TRIM24: variants seen among roughly 807,000 people sequenced by gnomAD.
TRIM24 encodes tripartite motif containing 24.
A neutral mutation model predicts 123.9 loss-of-function variants in TRIM24; 29 were observed. The ratio of observed to expected loss-of-function variants is 0.23; its 90% CI spans 0.17 to 0.32. The LOEUF (loss-of-function observed/expected upper bound fraction) is 0.32. Ranked by LOEUF, TRIM24 falls within the 10% of genes least tolerant of loss-of-function variation. TRIM24 has a pLI of 1.00. For missense variants in TRIM24, 932 were observed against 1,295.3 expected, an observed-to-expected ratio of 0.72 and a Z score of 4.31; for synonymous variants, 456 against 461.1, an observed-to-expected ratio of 0.99 and a Z score of 0.14.
At chr7:138,462,900 G>T (rs1179182282) in intron 1 of TRIM24, among the ~76,000 whole-genome samples, 1 of 150,064 alleles carries the variant, frequency 6.7e-6, no homozygotes, top group African/African-American at 2.5e-5. Flanking sequence ...ACGGAGTCTC[G>T]CTCTTCTTGC....
At chr7:138,564,949 G>A (rs369915784) in intron 9 of TRIM24, among the ~76,000 whole-genome samples, 9 of 152,036 alleles carry the variant, frequency 5.9e-5, no homozygotes, top group South Asian at 2.1e-4. Context: ...CGATTAGACC[G>A]TCCCCCTCGC....
chr7:138,533,293 C>A (rs1796787457), intron 6 of TRIM24, among the ~76,000 whole-genome samples: 1 of 152,142 alleles, frequency 6.6e-6, no homozygotes. Context: ...CTGTCTTGTG[C>A]CAGTTTTCAA....
At chr7:138,536,177 C>T (rs1044602229) in intron 6 of TRIM24, among the ~76,000 whole-genome samples, 1 of 152,162 alleles carries the variant, frequency 6.6e-6, no homozygotes, top group Non-Finnish European at 1.5e-5. Flanking sequence ...TCCTTTAGCT[C>T]GGAGGAGTTT....
chr7:138,519,120 G>C, intron 3 of TRIM24, 69 bp from the exon 4 acceptor site: 1 of 1,570,392 alleles, frequency 6.4e-7, no homozygotes, highest in Non-Finnish European at 8.7e-7. Context: ...ATTCAAATGA[G>C]CAATCTAATA....
At chr7:138,472,911 T>TA (rs1795303867) in intron 1 of TRIM24, among the ~76,000 whole-genome samples, 1 of 152,186 alleles carries the variant, frequency 6.6e-6, no homozygotes, top group South Asian at 2.1e-4. Flanking sequence ...CTCACTTTGT[T>TA]AGTCAGGTTG....
At chr7:138,481,090 T>G (rs1181045833) in intron 1 of TRIM24, among the ~76,000 whole-genome samples, 3 of 152,118 alleles carry the variant, frequency 2.0e-5, no homozygotes, top group Admixed American at 2.0e-4. Context: ...ACCCCCAGGT[T>G]CAAGCGATTC....
chr7:138,490,611 G>T, intron 1 of TRIM24: 1 of 281,610 alleles, frequency 3.6e-6, no homozygotes, highest in Non-Finnish European at 6.8e-6. Flanking sequence ...ATATCCAACA[G>T]CTCATTCAAC....
chr7:138,476,845 C>T (rs1795413793), intron 1 of TRIM24, among the ~76,000 whole-genome samples: 2 of 151,876 alleles, frequency 1.3e-5, no homozygotes, highest in South Asian at 4.2e-4. Flanking sequence ...GAGGCGTGCA[C>T]AGTGTTATTT....
intron 1 of TRIM24, among the ~76,000 whole-genome samples, chr7:138,464,742 C>G (rs1795096974): frequency 6.6e-6 from 1 of 152,238 alleles, no homozygotes; most frequent in Admixed American, 6.5e-5. Flanking sequence ...TGTTATATTT[C>G]ATACACTTTT....
intron 1 of TRIM24, among the ~76,000 whole-genome samples, chr7:138,497,187 G>A (rs1289590335): frequency 6.6e-6 from 1 of 151,900 alleles, no homozygotes; most frequent in Non-Finnish European, 1.5e-5. Context: ...GGAGCCCTTT[G>A]TGTCTAGACT....
At position 138,573,506 on chromosome 7, in the gene TRIM24, G is replaced by T; in HGVS notation, c.1879-1G>T. On this transcript the variant is annotated splice_acceptor_variant, in intron 11 of 18. Coordinates refer to ENST00000343526, the MANE Select transcript of TRIM24 (RefSeq NM_015905.3). LOFTEE classifies it high-confidence loss of function. ...CCTGAAATAATTTCTTTTCTTGTAAGATTGACTGTTCAAGTACTATTATGC... is the reference window on the plus strand; with the variant it reads ...CCTGAAATAATTTCTTTTCTTGTAATATTGACTGTTCAAGTACTATTATGC... 1 of 1,560,898 alleles carries T rather than the reference G, an allele frequency of 6.4e-7. No homozygotes were observed. Among genetic ancestry groups the T allele is most frequent in the South Asian group, 1.3e-5 (1 of 79,378 alleles).
rs2116427561 is a variant in TRIM24, at chr7:138,460,379, G to C, written c.-170G>C. On this transcript the variant is annotated 5_prime_UTR_variant, in exon 1 of 19. Transcript: ENST00000343526. ...CCGCGCCACTCGGGAGGCGGATCCC[G>C]TGGGCCTGAGGAGGCTTCCCCCGCC... The C allele has an allele frequency of 1.7e-6, 1 of 598,700 alleles. No individual in the cohort carries two copies. 37.1% of individuals were successfully genotyped at this position (598,700 alleles called of 1,614,324 possible). A position where few individuals can be genotyped will look rare whatever the true frequency, so the allele number is the denominator to read the frequency against.
intron 7 of TRIM24, among the ~76,000 whole-genome samples, chr7:138,539,195 A>G (rs1334479827): frequency 6.6e-6 from 1 of 152,000 alleles, no homozygotes; most frequent in African/African-American, 2.4e-5. Context: ...ACATGATGAA[A>G]CTAAGGCATG....
rs192568924 is a variant in TRIM24, at chr7:138,529,331, T to A, written c.996+101T>A. On this transcript the variant is annotated intron_variant, in intron 6 of 18. Coordinates refer to ENST00000343526, the MANE Select transcript of TRIM24 (RefSeq NM_015905.3). ...TGCTTTTTATATAGTTGTTTCATTG[T>A]GATTTAATATTTTTTTTTCCCACTC... The A allele has an allele frequency of 6.3e-3, 3,887 of 613,002 alleles. 25 individuals are homozygous for A. The highest frequency in any genetic ancestry group is 6.9e-3 in the Non-Finnish European group (2,712 of 392,714). The allele number at this position is 613,002 out of a possible 1,614,324, so 38.0% of individuals were successfully genotyped here. A position where few individuals can be genotyped will look rare whatever the true frequency, so the allele number is the denominator to read the frequency against.
rs201221166 is a variant in TRIM24, at chr7:138,479,999, A to G, written c.364+19087A>G. On this transcript the variant is annotated intron_variant, in intron 1 of 18. Transcript: ENST00000343526. ...ACCTCCGGCTAATTTTTGTGTTTTT[A>G]GTAGAGACAGGGTTTCGCCATGTTG... 3.3e-5 allele frequency among the ~76,000 whole-genome samples: 5 copies of G among 151,636 alleles called. No homozygotes were observed. In the East Asian group the frequency reaches 7.8e-4, roughly 24 times the overall value.
chr7:138,521,839 A>T (rs1796509667), intron 4 of TRIM24, among the ~76,000 whole-genome samples: 1 of 152,192 alleles, frequency 6.6e-6, no homozygotes, highest in South Asian at 2.1e-4. Context: ...CTTTGTAAGG[A>T]TGAAAGTCTC....
chr7:138,557,257 A>G (rs1797333746), intron 9 of TRIM24, among the ~76,000 whole-genome samples: 1 of 152,106 alleles, frequency 6.6e-6, no homozygotes, highest in Non-Finnish European at 1.5e-5. Context: ...AAGTACAGGA[A>G]AACTTGTTTT....
intron 8 of TRIM24, among the ~76,000 whole-genome samples, chr7:138,553,809 C>T (rs979116640): frequency 3.3e-5 from 5 of 152,282 alleles, no homozygotes; most frequent in African/African-American, 1.2e-4. Flanking sequence ...TCCAGCTACA[C>T]GTCTGGATGA....
Position 138,554,904 on chromosome 7 carries a change from C to T in TRIM24, c.1468C>T (p.Pro490Ser), listed in dbSNP as rs1797284718. The change falls in exon 9 of 19, where the codon CCT (proline) becomes TCT (serine). Residue 490 changes from proline (P) to serine (S), a missense_variant. Around this residue, in one of 7 missense-constraint regions of TRIM24, gnomAD observed 527 missense variants for 691.3 expected, o/e 0.76. Coordinates refer to ENST00000343526, the MANE Select transcript of TRIM24 (RefSeq NM_015905.3). This position sits in a 1 kb window ranked among gnomAD's most constrained non-coding sequence, Gnocchi z 4.5. Reference sequence around the variant, plus strand: ...GCAACAGGTGCAACGGAGGCCAGCACCTGTGGGTTTACCAAACCCTAGAAT... The same window carrying T: ...GCAACAGGTGCAACGGAGGCCAGCATCTGTGGGTTTACCAAACCCTAGAAT... ...QRQQVQRRPAPVGLPNPRMQG... is the reference protein window; with the variant it reads ...QRQQVQRRPASVGLPNPRMQG... 4 of 1,614,170 alleles carry T rather than the reference C, an allele frequency of 2.5e-6. No homozygotes were observed. The highest frequency in any genetic ancestry group is 3.4e-6 in the Non-Finnish European group (4 of 1,179,996).
Sources: gnomAD v4.1 joint callset for allele counts (sites outside exome capture counted in the v4.1 genomes callset) on GRCh38, gnomAD v4.1.1 for gene constraint, gnomAD v4.1.1 regional missense constraint, Gnocchi (gnomAD v3.1) non-coding constraint, MANE v1.5 for transcripts, NCBI Gene and HGNC (gene_info 2026-07-23, HGNC 2026-07-21) for gene names.